Variants in CAPZB observed in about 807,000 individuals in gnomAD.
CAPZB encodes F-actin-capping protein subunit beta.
In CAPZB, 2 loss-of-function variants were observed where a neutral mutation model predicts 38.1. The observed-to-expected ratio is 0.05, with a 90% CI of 0.02 to 0.17. The LOEUF (loss-of-function observed/expected upper bound fraction) is 0.17, where lower values mean the gene tolerates loss of function less well. CAPZB is among the 10% of genes least tolerant of loss of function. The pLI is 1.00. For synonymous variants in CAPZB, 107 were observed against 127.4 expected (o/e 0.84, Z 1.08); for missense variants, 161 against 334.2 (o/e 0.48, Z 4.04).
intron 1 of CAPZB, chr1:19,484,203 C>G (rs769036390): frequency 4.3e-6 from 7 of 1,612,400 alleles, no homozygotes; most frequent in Non-Finnish European, 5.9e-6. Flanking sequence ...ATCCGAGGGA[C>G]TTCCATAATC....
chr1:19,353,923 T>C (rs1046044474), intron 6 of CAPZB, among the ~76,000 whole-genome samples: 16 of 152,220 alleles, frequency 1.1e-4, no homozygotes, highest in African/African-American at 3.1e-4. Context: ...AGGCTACAGG[T>C]CCACTGCAGC....
At chr1:19,475,347 G>C (rs2094603196) in intron 1 of CAPZB, among the ~76,000 whole-genome samples, 1 of 152,198 alleles carries the variant, frequency 6.6e-6, no homozygotes, top group Non-Finnish European at 1.5e-5. Flanking sequence ...CCTGGACTAG[G>C]AATCATGACT....
At chr1:19,473,139 C>T (rs2094595562) in intron 1 of CAPZB, among the ~76,000 whole-genome samples, 1 of 152,138 alleles carries the variant, frequency 6.6e-6, no homozygotes, top group African/African-American at 2.4e-5. Context: ...CTGTTGCAAT[C>T]ACTAACATAA....
intron 1 of CAPZB, among the ~76,000 whole-genome samples, chr1:19,461,108 G>A (rs1285793184): frequency 6.6e-6 from 1 of 151,600 alleles, no homozygotes; most frequent in Non-Finnish European, 1.5e-5. Flanking sequence ...GGGGGGGGAG[G>A]GGCGGGTTCC....
intron 1 of CAPZB, among the ~76,000 whole-genome samples, chr1:19,483,707 T>C (rs2094639227): frequency 6.6e-6 from 1 of 152,190 alleles, no homozygotes; most frequent in South Asian, 2.1e-4. Flanking sequence ...CACCCACCAC[T>C]GCCCTGGAGA....
intron 2 of CAPZB, among the ~76,000 whole-genome samples, chr1:19,404,380 C>T (rs981142936): frequency 6.6e-6 from 1 of 151,262 alleles, no homozygotes; most frequent in African/African-American, 2.4e-5. Flanking sequence ...CGCATCTCTA[C>T]TAAAAATACA....
chr1:19,413,848 C>T (rs907574974), intron 2 of CAPZB, among the ~76,000 whole-genome samples: 2 of 152,154 alleles, frequency 1.3e-5, no homozygotes, highest in Non-Finnish European at 2.9e-5. Context: ...GCAGCTTCAT[C>T]ACCTGGGGGA....
At chr1:19,380,062 G>A (rs1024362734) in intron 3 of CAPZB, among the ~76,000 whole-genome samples, 1 of 152,258 alleles carries the variant, frequency 6.6e-6, no homozygotes, top group South Asian at 2.1e-4. Context: ...AATTCTGCAC[G>A]CAGACATCTT....
At chr1:19,351,276 C>T (rs1466997266) in intron 6 of CAPZB, among the ~76,000 whole-genome samples, 2 of 151,220 alleles carry the variant, frequency 1.3e-5, no homozygotes, top group Non-Finnish European at 2.9e-5. Flanking sequence ...CCACTGCACC[C>T]GATCTTTCCA....
rs1291259244 is a variant in CAPZB at position 19,471,665 on chromosome 1, C to T, written c.3+13771G>A. Among the ~76,000 whole-genome samples the T allele has an allele frequency of 2.0e-5, 3 of 152,026 alleles. No homozygotes were observed. In the South Asian group the frequency reaches 6.2e-4, roughly 32 times the overall value. ...AGATCACAAGGTCAGGAGATCAAGA[C>T]CATCCTGGCTAACACGGTGAAACCC... On this transcript the variant is annotated intron_variant, in intron 1 of 8. Coordinates refer to ENST00000264202, the MANE Select transcript of CAPZB (RefSeq NM_004930.5).
intron 1 of CAPZB, among the ~76,000 whole-genome samples, chr1:19,474,744 C>T (rs1371626321): frequency 6.6e-6 from 1 of 152,072 alleles, no homozygotes; most frequent in Non-Finnish European, 1.5e-5. Context: ...TTGAGGGGGT[C>T]GTGCGGGTGA....
chr1:19,449,598 G>A (rs1338531043), intron 1 of CAPZB, among the ~76,000 whole-genome samples: 3 of 152,016 alleles, frequency 2.0e-5, no homozygotes, highest in African/African-American at 7.3e-5. Context: ...GACCAGCCTG[G>A]CTGACACGGC....
intron 2 of CAPZB, among the ~76,000 whole-genome samples, chr1:19,396,284 C>G (rs1028731247): frequency 2.0e-5 from 3 of 152,170 alleles, no homozygotes; most frequent in African/African-American, 7.2e-5. Context: ...ACTAGGGCCA[C>G]TTGGGTCAGG....
chr1:19,450,495 C>A (rs1036921268), intron 1 of CAPZB, among the ~76,000 whole-genome samples: 4 of 152,162 alleles, frequency 2.6e-5, no homozygotes, highest in African/African-American at 9.7e-5. Context: ...CTGTTTTAGG[C>A]ATGTAAAATG....
At chr1:19,374,855 G>C (rs1016932567) in intron 4 of CAPZB, among the ~76,000 whole-genome samples, 1 of 152,100 alleles carries the variant, frequency 6.6e-6, no homozygotes, top group South Asian at 2.1e-4. Context: ...GCCTTGCTCA[G>C]GGGACAACAA....
At chr1:19,387,154 T>C (rs1276954128) in intron 2 of CAPZB, among the ~76,000 whole-genome samples, 1 of 152,070 alleles carries the variant, frequency 6.6e-6, no homozygotes, top group Non-Finnish European at 1.5e-5. Flanking sequence ...TTTTACAGAT[T>C]AGAGTTGAGG....
At chr1:19,393,600 C>A (rs182778070) in intron 2 of CAPZB, among the ~76,000 whole-genome samples, 28 of 152,352 alleles carry the variant, frequency 1.8e-4, no homozygotes, top group Admixed American at 3.3e-4. Context: ...CCCACCGGGT[C>A]AACAAGGCGA....
At chr1:19,475,896 T>A (rs936239450) in intron 1 of CAPZB, among the ~76,000 whole-genome samples, 1 of 152,184 alleles carries the variant, frequency 6.6e-6, no homozygotes, top group African/African-American at 2.4e-5. Flanking sequence ...AGGGCCAGTG[T>A]GTAACACTGC....
intron 8 of CAPZB, chr1:19,342,785 T>C (rs1246042245): frequency 6.2e-7 from 1 of 1,612,144 alleles, no homozygotes; most frequent in Admixed American, 1.7e-5. Context: ...TGGATGTAGA[T>C]CTGGCGCTGG....
Sources: allele counts gnomAD v4.1 joint callset (sites outside exome capture counted in the v4.1 genomes callset), GRCh38; gene constraint gnomAD v4.1.1; transcripts MANE v1.5; gene names NCBI Gene and HGNC (gene_info 2026-07-23, HGNC 2026-07-21).